RIT2: variants seen among roughly 807,000 people sequenced by gnomAD.
RIT2 encodes the protein Ras like without CAAX 2.
Under a neutral mutation model 23.7 loss-of-function variants are expected in RIT2, and 24 were observed. That is an observed-to-expected ratio of 1.01 (90% CI 0.73 to 1.43). RIT2 has a LOEUF of 1.43. RIT2 is among the 40% of genes most tolerant of loss of function. The probability of loss-of-function intolerance (pLI) is 0.00; values close to 1 mark genes in which losing one functional copy is unlikely to be tolerated. For synonymous variants in RIT2, 107 were observed against 91.1 expected (o/e 1.17, Z -0.99); for missense variants, 236 against 266.9 (o/e 0.88, Z 0.81).
chr18:42,892,040 A>G (rs1486220951), intron 4 of RIT2, among the ~76,000 whole-genome samples: 4 of 151,494 alleles, frequency 2.6e-5, no homozygotes, highest in African/African-American at 9.7e-5. Flanking sequence ...TTCTCTATAA[A>G]CCTAAGAAAA....
At position 42,910,140 on chromosome 18, in the gene RIT2, C is replaced by A. The variant is rs1392816070; in HGVS notation, c.426+13432G>T. Among the ~76,000 whole-genome samples the A allele has an allele frequency of 9.9e-5, 15 of 152,054 alleles. 1 individual carries two copies. The highest frequency in any genetic ancestry group is 8.5e-4 in the Admixed American group (13 of 15,238). On this transcript the variant is annotated intron_variant, in intron 4 of 4. Transcript: ENST00000326695. The stretch of plus-strand genomic sequence containing the variant: ...CAAAATAGAATTCTAAAACTATTTT[C>A]AAGTTATCCACAGTTAGGCCAAGAT...
intron 2 of RIT2, among the ~76,000 whole-genome samples, chr18:43,006,553 T>A (rs1279427081): frequency 6.6e-6 from 1 of 151,552 alleles, no homozygotes; most frequent in Non-Finnish European, 1.5e-5. Flanking sequence ...GAATGAATCA[T>A]GTCAGAAATA....
At chr18:42,836,109 C>T (rs916988129) in intron 4 of RIT2, among the ~76,000 whole-genome samples, 1 of 152,136 alleles carries the variant, frequency 6.6e-6, no homozygotes, top group African/African-American at 2.4e-5. Context: ...AAAATTTGGA[C>T]AGTAATAATC....
At chr18:42,766,201 C>T (rs576937654) in intron 4 of RIT2, among the ~76,000 whole-genome samples, 9 of 152,234 alleles carry the variant, frequency 5.9e-5, no homozygotes, top group Admixed American at 3.3e-4. Context: ...TAGTTTGAAG[C>T]GCTCAGAAAA....
At chr18:42,802,015 T>A (rs78026421) in intron 4 of RIT2, among the ~76,000 whole-genome samples, 1 of 152,188 alleles carries the variant, frequency 6.6e-6, no homozygotes, top group Non-Finnish European at 1.5e-5. Flanking sequence ...ATTTATTTTG[T>A]AATTTTTATC....
chr18:42,764,767 C>T (rs1383224872), intron 4 of RIT2, among the ~76,000 whole-genome samples: 1 of 152,174 alleles, frequency 6.6e-6, no homozygotes, highest in Non-Finnish European at 1.5e-5. Context: ...TAATGTTATC[C>T]TCTCATCTGC....
chr18:42,877,483 A>T lies in RIT2; in HGVS notation c.426+46089T>A, dbSNP rs189266020. 6.0e-3 allele frequency among the ~76,000 whole-genome samples: 902 copies of T among 150,002 alleles called. 7 individuals carry two copies. The highest frequency in any genetic ancestry group is 0.021 in the African/African-American group (852 of 40,932). On this transcript the variant is annotated intron_variant, in intron 4 of 4. Transcript: ENST00000326695. Reference sequence around the variant, plus strand: ...CTCACCATTCATGAGTAAACAATTTAAAAAAAATGCTTATCTCTGTTTTGT... The same window carrying T: ...CTCACCATTCATGAGTAAACAATTTTAAAAAAATGCTTATCTCTGTTTTGT...
chr18:42,795,759 C>T (rs949282589), intron 4 of RIT2, among the ~76,000 whole-genome samples: 17 of 152,328 alleles, frequency 1.1e-4, no homozygotes, highest in African/African-American at 3.8e-4. Flanking sequence ...CCAATCGGCA[C>T]TCTGTATCTA....
intron 2 of RIT2, among the ~76,000 whole-genome samples, chr18:43,001,341 AG>A (rs1340617003): frequency 6.6e-6 from 1 of 152,060 alleles, no homozygotes; most frequent in Non-Finnish European, 1.5e-5. Context: ...ACATAAAACA[AG>A]ACAAAAATAA....
intron 1 of RIT2, among the ~76,000 whole-genome samples, chr18:43,048,856 T>G (rs1912312816): frequency 6.6e-6 from 1 of 152,164 alleles, no homozygotes; most frequent in African/African-American, 2.4e-5. Context: ...TTGTTTGATG[T>G]TCCTTATATT....
intron 4 of RIT2, among the ~76,000 whole-genome samples, chr18:42,823,473 G>A (rs1906207608): frequency 6.6e-6 from 1 of 152,132 alleles, no homozygotes; most frequent in Non-Finnish European, 1.5e-5. Flanking sequence ...AACTGTGAAA[G>A]CAAAGATTAG....
intron 2 of RIT2, among the ~76,000 whole-genome samples, chr18:43,020,953 C>A (rs1198931559): frequency 6.6e-6 from 1 of 151,968 alleles, no homozygotes; most frequent in Middle Eastern, 3.2e-3. Context: ...TTGGACTAGG[C>A]AAAGATTTCA....
intron 4 of RIT2, among the ~76,000 whole-genome samples, chr18:42,863,873 A>G (rs1389080532): frequency 5.9e-5 from 9 of 152,172 alleles, no homozygotes; most frequent in Admixed American, 5.2e-4. Flanking sequence ...GAATAAGTCT[A>G]AATAAACTAG....
chr18:43,095,870 C>T (rs576008330), intron 1 of RIT2, among the ~76,000 whole-genome samples: 1 of 151,884 alleles, frequency 6.6e-6, no homozygotes, highest in Non-Finnish European at 1.5e-5. Context: ...TTCCTTTACA[C>T]TAATATTAAA....
chr18:42,968,144 G>T (rs548220076), intron 3 of RIT2, among the ~76,000 whole-genome samples: 16 of 151,982 alleles, frequency 1.1e-4, no homozygotes, highest in Non-Finnish European at 2.1e-4. Context: ...CTATTTTCTC[G>T]TCTTGTTCAG....
intron 4 of RIT2, among the ~76,000 whole-genome samples, chr18:42,918,052 G>T (rs1337765973): frequency 6.6e-6 from 1 of 151,984 alleles, no homozygotes; most frequent in Non-Finnish European, 1.5e-5. Context: ...TACCATTTTT[G>T]CATTGTGCAG....
At chr18:43,052,937 G>T (rs532857517) in intron 1 of RIT2, among the ~76,000 whole-genome samples, 1 of 152,072 alleles carries the variant, frequency 6.6e-6, no homozygotes, top group South Asian at 2.1e-4. Context: ...AGTCTTGGAG[G>T]CACTTTTTGA....
intron 4 of RIT2, among the ~76,000 whole-genome samples, chr18:42,824,580 C>T (rs1906243499): frequency 6.6e-6 from 1 of 151,960 alleles, no homozygotes; most frequent in Non-Finnish European, 1.5e-5. Context: ...TAATAACTGA[C>T]ATTTCAGACC....
chr18:42,910,408 G>A (rs1444877431), intron 4 of RIT2, among the ~76,000 whole-genome samples: 1 of 152,014 alleles, frequency 6.6e-6, no homozygotes, highest in Admixed American at 6.6e-5. Flanking sequence ...GGTATAAGAG[G>A]GTGGTTTCCT....
Sources: allele counts gnomAD v4.1 joint callset (sites outside exome capture counted in the v4.1 genomes callset), GRCh38; gene constraint gnomAD v4.1.1; transcripts MANE v1.5; gene names NCBI Gene and HGNC (gene_info 2026-07-23, HGNC 2026-07-21).